NOL4: variants seen among roughly 807,000 people sequenced by gnomAD.
NOL4 encodes the protein cancer/testis antigen 125.
Under a neutral mutation model 75.9 loss-of-function variants are expected in NOL4, and 17 were observed. That is an observed-to-expected ratio of 0.22 (90% CI 0.15 to 0.34). The LOEUF (loss-of-function observed/expected upper bound fraction) is 0.34, where lower values mean the gene tolerates loss of function less well. Ranked by LOEUF, NOL4 falls within the 10% of genes least tolerant of loss-of-function variation. The pLI is 1.00. For missense variants in NOL4, 614 were observed against 793.5 expected (o/e 0.77, Z 2.72); for synonymous variants, 292 against 289.9 (o/e 1.01, Z -0.07).
At chr18:34,128,356 A>T (rs889991698) in intron 2 of NOL4, among the ~76,000 whole-genome samples, 1 of 151,938 alleles carries the variant, frequency 6.6e-6, no homozygotes, top group Non-Finnish European at 1.5e-5. Flanking sequence ...TCCCTAGCAA[A>T]GTCCTTTTAC....
At chr18:34,059,449 T>A (rs1450690833) in intron 5 of NOL4, among the ~76,000 whole-genome samples, 1 of 152,090 alleles carries the variant, frequency 6.6e-6, no homozygotes, top group Non-Finnish European at 1.5e-5. Context: ...TCTGATTTTT[T>A]TTCTTAATGT....
At position 34,019,505 on chromosome 18, in the gene NOL4, T is replaced by C; in HGVS notation, c.869A>G (p.Asn290Ser). The change falls in exon 6 of 11, where the codon AAC (asparagine) becomes AGC (serine). Residue 290 changes from asparagine (N) to serine (S), a missense_variant. Asn to Ser is a conservative substitution (Grantham distance 46). Around this residue, in one of 9 missense-constraint regions of NOL4, gnomAD observed 196 missense variants for 167.9 expected, o/e 1.17. Coordinates refer to ENST00000261592, the MANE Select transcript of NOL4 (RefSeq NM_003787.5). ...GTHSREMGDS[N>S]SDGKTGLEQD... Reference sequence around the variant, plus strand: ...CTCCAGCCCAGTTTTGCCATCACTGTTGGAGTCTCCCATCTCCCTGCTGTG... The same window carrying C: ...CTCCAGCCCAGTTTTGCCATCACTGCTGGAGTCTCCCATCTCCCTGCTGTG... 6.2e-7 allele frequency: 1 copy of C among 1,614,064 alleles called. No homozygotes were observed. The highest frequency in any genetic ancestry group is 8.5e-7 in the Non-Finnish European group (1 of 1,179,996).
intron 5 of NOL4, among the ~76,000 whole-genome samples, chr18:34,035,070 T>A (rs959965439): frequency 3.3e-5 from 5 of 152,058 alleles, no homozygotes; most frequent in Non-Finnish European, 5.9e-5. Flanking sequence ...AGACAGAAGA[T>A]CTACAAGGAA....
chr18:33,958,132 G>A, intron 7 of NOL4, 107 bp downstream of exon 7: 1 of 1,069,856 alleles, frequency 9.3e-7, no homozygotes, highest in Admixed American at 2.3e-5. Context: ...AAATCCTTCT[G>A]TAAATTAAAC....
chr18:34,038,564 T>C (rs946276066), intron 5 of NOL4, among the ~76,000 whole-genome samples: 4 of 152,004 alleles, frequency 2.6e-5, no homozygotes, highest in Admixed American at 1.3e-4. Context: ...ATAACAAAGA[T>C]TGAAATCATG....
intron 1 of NOL4, among the ~76,000 whole-genome samples, chr18:34,189,735 T>G (rs1342279635): frequency 6.6e-6 from 1 of 152,144 alleles, no homozygotes; most frequent in African/African-American, 2.4e-5. Flanking sequence ...CATTTTAAAC[T>G]GAGTTCAAAA....
At chr18:34,069,899 C>T (rs1164632064) in intron 5 of NOL4, among the ~76,000 whole-genome samples, 5 of 152,232 alleles carry the variant, frequency 3.3e-5, no homozygotes, top group African/African-American at 7.2e-5. Context: ...CTGCCTCCAA[C>T]TTAGGACCAA....
intron 6 of NOL4, among the ~76,000 whole-genome samples, chr18:33,982,877 C>T (rs562491567): frequency 2.3e-4 from 35 of 151,220 alleles, no homozygotes; most frequent in African/African-American, 5.8e-4. Context: ...TAGCCTCCCA[C>T]GTAGCTGGGA....
At chr18:34,158,612 A>G (rs2030882953) in intron 1 of NOL4, 2 of 152,208 alleles carry the variant, frequency 1.3e-5, no homozygotes, top group African/African-American at 4.8e-5. Flanking sequence ...CCTGACACAG[A>G]ATTGTTCTAC....
intron 5 of NOL4, among the ~76,000 whole-genome samples, chr18:34,037,261 A>AACACAGG (rs1464795266): frequency 6.6e-6 from 1 of 152,166 alleles, no homozygotes; most frequent in African/African-American, 2.4e-5. Flanking sequence ...TGATTAAAAT[A>AACACAGG]ACACAGGAGG....
chr18:33,983,247 A>G (rs932001348), intron 6 of NOL4, among the ~76,000 whole-genome samples: 2 of 152,140 alleles, frequency 1.3e-5, no homozygotes, highest in Non-Finnish European at 2.9e-5. Context: ...AAACTATTTT[A>G]TATGATACTA....
chr18:33,964,147 G>A (rs2070381066), intron 6 of NOL4, among the ~76,000 whole-genome samples: 1 of 152,090 alleles, frequency 6.6e-6, no homozygotes, highest in Non-Finnish European at 1.5e-5. Flanking sequence ...GAGTCACATA[G>A]GCACCTTTCA....
At chr18:33,947,626 A>T (rs1004612690) in intron 8 of NOL4, among the ~76,000 whole-genome samples, 1 of 151,700 alleles carries the variant, frequency 6.6e-6, no homozygotes, top group Non-Finnish European at 1.5e-5. Flanking sequence ...AATGGATTTA[A>T]TTATACACTT....
intron 5 of NOL4, among the ~76,000 whole-genome samples, chr18:34,057,122 TA>T (rs2076864472): frequency 6.6e-6 from 1 of 152,156 alleles, no homozygotes; most frequent in Non-Finnish European, 1.5e-5. Flanking sequence ...GCAATTCTAA[TA>T]TTAATCATCA....
At chr18:34,056,041 ATCTC>A (rs2076821818) in intron 5 of NOL4, among the ~76,000 whole-genome samples, 1 of 151,952 alleles carries the variant, frequency 6.6e-6, no homozygotes, top group African/African-American at 2.4e-5. Context: ...TTGTTTAGTC[ATCTC>A]TCTATGTTCT....
At chr18:33,967,831 G>A (rs1600090262) in intron 6 of NOL4, among the ~76,000 whole-genome samples, 1 of 152,184 alleles carries the variant, frequency 6.6e-6, no homozygotes, top group East Asian at 1.9e-4. Flanking sequence ...GCTCATGCCT[G>A]TAATCCCAGC....
At chr18:33,902,821 CTATGT>C (rs1281634403) in intron 9 of NOL4, among the ~76,000 whole-genome samples, 2 of 152,024 alleles carry the variant, frequency 1.3e-5, no homozygotes, top group African/African-American at 4.8e-5. Flanking sequence ...AAAATAATCC[CTATGT>C]TATATTTATA....
intron 5 of NOL4, among the ~76,000 whole-genome samples, chr18:34,037,848 C>T (rs2075976956): frequency 6.6e-6 from 1 of 152,026 alleles, no homozygotes; most frequent in South Asian, 2.1e-4. Flanking sequence ...AAAGGTTTCA[C>T]AGCTAAGACT....
At chr18:33,980,614 G>C (rs2145975344) in intron 6 of NOL4, among the ~76,000 whole-genome samples, 1 of 151,912 alleles carries the variant, frequency 6.6e-6, no homozygotes, top group South Asian at 2.1e-4. Flanking sequence ...GACAATAAAA[G>C]AGAAAAACTG....
Sources: gnomAD v4.1 joint callset for allele counts (sites outside exome capture counted in the v4.1 genomes callset) on GRCh38, gnomAD v4.1.1 for gene constraint, gnomAD v4.1.1 regional missense constraint, MANE v1.5 for transcripts, NCBI Gene and HGNC (gene_info 2026-07-23, HGNC 2026-07-21) for gene names.